SMARCA2: variants seen among roughly 807,000 people sequenced by gnomAD.
The protein encoded by SMARCA2 is SWI/SNF-related matrix-associated actin-dependent regulator of chromatin subfamily A member 2.
A neutral mutation model predicts 199.8 loss-of-function variants in SMARCA2; 61 were observed. The ratio of observed to expected loss-of-function variants is 0.31; its 90% confidence interval spans 0.25 to 0.38. The LOEUF (loss-of-function observed/expected upper bound fraction) is 0.38, where lower values mean the gene tolerates loss of function less well. SMARCA2 is among the 10% of genes least tolerant of loss of function. The probability of loss-of-function intolerance (pLI) is 1.00; values close to 1 mark genes in which losing one functional copy is unlikely to be tolerated. For synonymous variants in SMARCA2, 935 were observed against 732.0 expected (o/e 1.28, Z -4.48); for missense variants, 1,344 against 2,012.2 (o/e 0.67, Z 6.35).
At chr9:2,187,966 G>GA (rs552247638) in intron 32 of SMARCA2, among the ~76,000 whole-genome samples, 221 of 151,788 alleles carry the variant, frequency 1.5e-3, no homozygotes, top group Middle Eastern at 3.4e-3. Context: ...TTTATGTGTG[G>GA]AAAAAAAGGT....
chr9:2,137,469 T>C (rs1824252898), intron 27 of SMARCA2, among the ~76,000 whole-genome samples: 1 of 152,170 alleles, frequency 6.6e-6, no homozygotes, highest in Non-Finnish European at 1.5e-5. Flanking sequence ...GAACTCTCCT[T>C]CTAGTCCTTG....
In SMARCA2 at chr9:2,115,426, C is replaced by T. The variant is rs955566826; in HGVS notation, c.3457-396C>T. Among the ~76,000 whole-genome samples, 7 of 152,122 alleles carry T rather than the reference C, an allele frequency of 4.6e-5. No individual in the cohort carries two copies. The highest frequency in any genetic ancestry group is 1.2e-4 in the African/African-American group (5 of 41,424). ...TTTTAAAATAATCTTCAACACATCA[C>T]GCCAAAGAAAAGGCGTTTCTTGCAA... is the stretch of plus-strand genomic sequence containing the variant. On this transcript the variant is annotated intron_variant, in intron 24 of 33. Coordinates refer to ENST00000349721, the MANE Select transcript of SMARCA2 (RefSeq NM_003070.5). This position sits in a 1 kb window ranked among gnomAD's most constrained non-coding sequence, Gnocchi z 6.0.
At chr9:2,124,298 A>T (rs1342804464) in intron 27 of SMARCA2, among the ~76,000 whole-genome samples, 2 of 152,206 alleles carry the variant, frequency 1.3e-5, no homozygotes. Context: ...CAAAATGTGG[A>T]AGGGCACCTT....
chr9:2,032,622 G>A (rs1819120066), intron 2 of SMARCA2: 1 of 181,502 alleles, frequency 5.5e-6, no homozygotes, highest in Non-Finnish European at 1.1e-5. Context: ...CATATAACAG[G>A]TTTCAAGATT....
intron 1 of SMARCA2, among the ~76,000 whole-genome samples, chr9:2,028,437 GAT>G (rs2130175264): frequency 6.6e-6 from 1 of 152,326 alleles, no homozygotes; most frequent in African/African-American, 2.4e-5. Flanking sequence ...ATATTTGTCT[GAT>G]TCCTATAGCC....
chr9:2,041,568 G>C, intron 4 of SMARCA2: 1 of 395,422 alleles, frequency 2.5e-6, no homozygotes, highest in East Asian at 3.6e-5. Context: ...CTGGGAATTA[G>C]GATTTTAACA....
rs1407434299 is a variant in SMARCA2 at position 2,181,736 on chromosome 9, T to C, written c.4359+60T>C. ...TAAATAAAGGAGCAGTGTAAAGTCA[T>C]TGAAATGGTTGTAGTTGGAGCTGAC... On this transcript the variant is annotated intron_variant, in intron 30 of 33. Coordinates refer to ENST00000349721, the MANE Select transcript of SMARCA2 (RefSeq NM_003070.5). 4 of 918,092 alleles carry C rather than the reference T, an allele frequency of 4.4e-6. No individual in the cohort carries two copies. In the East Asian group the frequency reaches 9.7e-5, roughly 22 times the overall value. 56.9% of individuals were successfully genotyped at this position (918,092 alleles called of 1,614,324 possible).
intron 31 of SMARCA2, among the ~76,000 whole-genome samples, chr9:2,184,301 T>C (rs11787578): frequency 0.17 from 26,440 of 151,688 alleles, 2,706 homozygotes; most frequent in African/African-American, 0.27. Context: ...AGAGATTCTG[T>C]GTACCTTTTA....
intron 27 of SMARCA2, among the ~76,000 whole-genome samples, chr9:2,148,568 G>C (rs1237331974): frequency 2.0e-5 from 3 of 151,370 alleles, no homozygotes; most frequent in African/African-American, 7.3e-5. Context: ...CTATACATGT[G>C]CCATGTTGGT....
At chr9:2,088,039 C>G (rs932852745) in intron 18 of SMARCA2, among the ~76,000 whole-genome samples, 1 of 152,218 alleles carries the variant, frequency 6.6e-6, no homozygotes, top group Non-Finnish European at 1.5e-5. Flanking sequence ...ACTCTTGTTC[C>G]TCTTCTTTAT....
intron 27 of SMARCA2, among the ~76,000 whole-genome samples, chr9:2,140,459 G>T (rs1044928846): frequency 5.3e-5 from 8 of 152,138 alleles, no homozygotes; most frequent in Admixed American, 1.3e-4. Flanking sequence ...GGGTTCACTG[G>T]TATATATTTT....
chr9:2,024,572 CTG>C (rs1339987241), intron 1 of SMARCA2, among the ~76,000 whole-genome samples: 2 of 152,190 alleles, frequency 1.3e-5, no homozygotes, highest in Non-Finnish European at 2.9e-5. Flanking sequence ...CTTCTCTAGC[CTG>C]TGGTAAGTTA....
chr9:2,129,443 T>G (rs1224764006), intron 27 of SMARCA2, among the ~76,000 whole-genome samples: 1 of 152,040 alleles, frequency 6.6e-6, no homozygotes, highest in East Asian at 1.9e-4. Flanking sequence ...GCCAAATGAA[T>G]GGAAGCACAG....
chr9:2,113,984 A>G (rs771186593), intron 24 of SMARCA2, among the ~76,000 whole-genome samples: 6 of 152,178 alleles, frequency 3.9e-5, no homozygotes, highest in Non-Finnish European at 8.8e-5. Flanking sequence ...CAGTTGTTCA[A>G]TTTTTGCTTC....
At chr9:2,042,650 G>C (rs1819658341) in intron 4 of SMARCA2, 1 of 151,510 alleles carries the variant, frequency 6.6e-6, no homozygotes, top group South Asian at 2.1e-4. Flanking sequence ...TTTCAGGAGA[G>C]GGCTCTATTT....
At chr9:2,166,143 T>C (rs1218489731) in intron 28 of SMARCA2, among the ~76,000 whole-genome samples, 2 of 152,226 alleles carry the variant, frequency 1.3e-5, no homozygotes, top group Non-Finnish European at 2.9e-5. Context: ...TCAACAAGCA[T>C]ATCTACCTCA....
At chr9:2,096,904 C>A in intron 20 of SMARCA2, 140 bp downstream of exon 20, 1 of 647,246 alleles carries the variant, frequency 1.5e-6, no homozygotes, top group Admixed American at 2.4e-5. Context: ...GCTATTATAG[C>A]TGCCAAAGAT....
chr9:2,111,268 C>A (rs1330295994), intron 24 of SMARCA2, among the ~76,000 whole-genome samples: 5 of 151,746 alleles, frequency 3.3e-5, no homozygotes, highest in Non-Finnish European at 7.4e-5. Flanking sequence ...AGGAGGATTG[C>A]TTTGAGCCCA....
At chr9:2,147,424 A>G (rs571051285) in intron 27 of SMARCA2, among the ~76,000 whole-genome samples, 3 of 152,340 alleles carry the variant, frequency 2.0e-5, no homozygotes, top group East Asian at 1.9e-4. Flanking sequence ...AATTAAAAGC[A>G]TATATCTGTT....
Sources: allele counts gnomAD v4.1 joint callset (sites outside exome capture counted in the v4.1 genomes callset), GRCh38; gene constraint gnomAD v4.1.1; non-coding constraint Gnocchi (gnomAD v3.1); transcripts MANE v1.5; gene names NCBI Gene and HGNC (gene_info 2026-07-23, HGNC 2026-07-21).